The following FANCI variants were observed in gnomAD, a reference collection of about 807,000 sequenced individuals.
The protein encoded by FANCI is Fanconi anemia group I protein.
Under a neutral mutation model 176.1 loss-of-function variants are expected in FANCI, and 156 were observed. The observed-to-expected ratio is 0.89, with a 90% CI of 0.78 to 1.01. The LOEUF (loss-of-function observed/expected upper bound fraction) is 1.01, where lower values mean the gene tolerates loss of function less well. FANCI is among the 50% of genes least tolerant of loss of function. FANCI has a pLI of 0.00. For missense variants in FANCI, 1,678 were observed against 1,534.1 expected, an observed-to-expected ratio of 1.09 and a Z score of -1.57; for synonymous variants, 613 against 541.7, an observed-to-expected ratio of 1.13 and a Z score of -1.83.
At chr15:89,305,869 G>T in intron 31 of FANCI, 138 bp from the exon 32 acceptor site, 2 of 1,064,430 alleles carry the variant, frequency 1.9e-6, no homozygotes, top group Non-Finnish European at 2.9e-6. Flanking sequence ...ATCACAGCAC[G>T]ATTAATTCAC....
At chr15:89,301,904 G>C (rs1370475837) in intron 27 of FANCI, among the ~76,000 whole-genome samples, 1 of 152,230 alleles carries the variant, frequency 6.6e-6, no homozygotes, top group African/African-American at 2.4e-5. Flanking sequence ...GATTAATTCA[G>C]AAAGTGTAAC....
At chr15:89,308,013 C>T in intron 34 of FANCI, 1 of 1,216,940 alleles carries the variant, frequency 8.2e-7, no homozygotes, top group South Asian at 1.7e-5. Context: ...AGCAGAGTAG[C>T]AGCAAGCACA....
intron 15 of FANCI, among the ~76,000 whole-genome samples, chr15:89,281,553 GACT>G (rs953258851): frequency 4.9e-4 from 74 of 152,172 alleles, no homozygotes; most frequent in African/African-American, 1.5e-3. Flanking sequence ...GAACATTATT[GACT>G]ACAATAGATT....
intron 1 of FANCI, among the ~76,000 whole-genome samples, chr15:89,247,292 T>C (rs1416033966): frequency 6.6e-6 from 1 of 152,208 alleles, no homozygotes; most frequent in Admixed American, 6.5e-5. Context: ...TATTACATAC[T>C]TGATATGCTG....
chr15:89,284,684 T>C (rs1235224564), intron 17 of FANCI, among the ~76,000 whole-genome samples: 2 of 152,234 alleles, frequency 1.3e-5, no homozygotes, highest in Non-Finnish European at 2.9e-5. Flanking sequence ...TGTCCATTTC[T>C]AAACAAAAGA....
In FANCI at chr15:89,307,420, A is replaced by C. The variant is rs74034406; in HGVS notation, c.3538-56A>C. The C allele has an allele frequency of 8.2e-4, 1,251 of 1,520,492 alleles. 9 individuals carry two copies. In the African/African-American group the frequency reaches 0.016, roughly 19 times the overall value. The allele number at this position is 1,520,492 out of a possible 1,614,324, so 94.2% of individuals were successfully genotyped here. ...TCACACTCCATAGGCTCACTGCAGC[A>C]GTCACTTGTAGTTTCATAGGACAGT... On this transcript the variant is annotated intron_variant, in intron 32 of 37. Transcript: ENST00000310775.
chr15:89,314,179 G>GAC (rs112695755), intron 35 of FANCI, among the ~76,000 whole-genome samples: 148 of 119,984 alleles, frequency 1.2e-3, no homozygotes, highest in Admixed American at 2.0e-3. Context: ...TAGGGGGAAA[G>GAC]ACACACACAC....
chr15:89,258,161 A>C (rs1451445546), intron 2 of FANCI, among the ~76,000 whole-genome samples: 3 of 151,826 alleles, frequency 2.0e-5, no homozygotes, highest in African/African-American at 4.8e-5. Flanking sequence ...TCCATCTGGA[A>C]TATCCTTCTC....
intron 8 of FANCI, 65 bp downstream of exon 8, chr15:89,264,091 T>C (rs890835380): frequency 3.2e-6 from 5 of 1,581,740 alleles, no homozygotes; most frequent in Non-Finnish European, 4.3e-6. Flanking sequence ...ATTCAACTTA[T>C]TCATACCCTT....
At chr15:89,303,736 G>T in intron 27 of FANCI, 128 bp from the exon 28 acceptor site, 1 of 730,884 alleles carries the variant, frequency 1.4e-6, no homozygotes, top group Non-Finnish European at 2.4e-6. Context: ...ATTACCACTT[G>T]AGATCTAAGG....
At chr15:89,250,477 T>C (rs2151091782) in intron 2 of FANCI, among the ~76,000 whole-genome samples, 1 of 144,438 alleles carries the variant, frequency 6.9e-6, no homozygotes, top group East Asian at 2.1e-4. Context: ...TTCTCACTCA[T>C]AGGTGGGAAT....
At chr15:89,311,349 G>A (rs572891946) in intron 34 of FANCI, among the ~76,000 whole-genome samples, 12 of 152,314 alleles carry the variant, frequency 7.9e-5, no homozygotes, top group African/African-American at 2.6e-4. Flanking sequence ...AACCTGGGAG[G>A]CAGAGGTTGC....
chr15:89,260,292 C>A (rs1183951038), intron 3 of FANCI, among the ~76,000 whole-genome samples: 4 of 152,080 alleles, frequency 2.6e-5, no homozygotes, highest in Non-Finnish European at 4.4e-5. Flanking sequence ...ATCCCCTTAT[C>A]CAAATGAAAG....
chr15:89,246,766 T>C (rs1317514270), intron 1 of FANCI, among the ~76,000 whole-genome samples: 1 of 137,468 alleles, frequency 7.3e-6, no homozygotes, highest in Middle Eastern at 3.7e-3. Context: ...TTCCTTTCTT[T>C]TTTTTTTTTT....
At chr15:89,255,614 G>C (rs1156935662) in intron 2 of FANCI, among the ~76,000 whole-genome samples, 1 of 152,000 alleles carries the variant, frequency 6.6e-6, no homozygotes, top group Non-Finnish European at 1.5e-5. Flanking sequence ...ACTCAATCTA[G>C]CCACAAGGAA....
At chr15:89,315,258 C>T (rs750519758) in intron 36 of FANCI, 24 bp from the exon 37 acceptor site, 9 of 1,559,548 alleles carry the variant, frequency 5.8e-6, no homozygotes, top group Non-Finnish European at 8.0e-6. Flanking sequence ...AGGGAGATGT[C>T]CCATGCTTAC....
At chr15:89,263,598 C>G in intron 7 of FANCI, 138 bp downstream of exon 7, 2 of 853,130 alleles carry the variant, frequency 2.3e-6, no homozygotes, top group South Asian at 1.5e-5. Context: ...GTTACAGATT[C>G]ACAGATTCCC....
At chr15:89,247,531 A>G in intron 1 of FANCI, 98 bp from the exon 2 acceptor site, 2 of 849,504 alleles carry the variant, frequency 2.4e-6, no homozygotes, top group South Asian at 2.7e-5. Context: ...CACCCATTGC[A>G]TAATAGGTAT....
chr15:89,281,629 C>G (rs1207897483), intron 15 of FANCI, 136 bp from the exon 16 acceptor site: 1 of 867,478 alleles, frequency 1.2e-6, no homozygotes. Context: ...TCCTTGTTAA[C>G]TGTAATAAAC....
Sources: allele counts gnomAD v4.1 joint callset (sites outside exome capture counted in the v4.1 genomes callset), GRCh38; gene constraint gnomAD v4.1.1; transcripts MANE v1.5; gene names NCBI Gene and HGNC (gene_info 2026-07-23, HGNC 2026-07-21).